SNTG2: variants seen among roughly 807,000 people sequenced by gnomAD.
SNTG2 encodes the protein gamma-2-syntrophin.
Under a neutral mutation model 70.9 loss-of-function variants are expected in SNTG2, and 74 were observed. That is an observed-to-expected ratio of 1.04 (90% CI 0.86 to 1.27). The LOEUF (loss-of-function observed/expected upper bound fraction) is 1.27. Ranked by LOEUF, SNTG2 falls within the 50% of genes most tolerant of loss-of-function variation. The probability of loss-of-function intolerance (pLI) is 0.00; values close to 1 mark genes in which losing one functional copy is unlikely to be tolerated. For missense variants in SNTG2, 717 were observed against 690.7 expected (o/e 1.04, Z -0.43); for synonymous variants, 278 against 273.8 (o/e 1.02, Z -0.15).
chr2:1,320,144 A>G (rs892125424), intron 16 of SNTG2, among the ~76,000 whole-genome samples: 1 of 152,224 alleles, frequency 6.6e-6, no homozygotes, highest in African/African-American at 2.4e-5. Context: ...TAATTAGTGC[A>G]TGATGGGAAC....
intron 11 of SNTG2, among the ~76,000 whole-genome samples, chr2:1,242,169 A>G (rs1319266371): frequency 6.6e-6 from 1 of 152,164 alleles, no homozygotes; most frequent in Non-Finnish European, 1.5e-5. Context: ...GTTTTCTCCA[A>G]AAGTGGTGTG....
intron 1 of SNTG2, among the ~76,000 whole-genome samples, chr2:951,709 C>T (rs955226729): frequency 1.3e-5 from 2 of 152,100 alleles, no homozygotes; most frequent in African/African-American, 2.4e-5. Flanking sequence ...AAATGTTGGC[C>T]CAAAGAAAAA....
chr2:1,307,312 TTGTG>T (rs142934963), intron 14 of SNTG2, among the ~76,000 whole-genome samples: 4,502 of 139,770 alleles, frequency 0.032, 220 homozygotes, highest in African/African-American at 0.11. Flanking sequence ...CAGCCCTGCA[TTGTG>T]TGTGTGTGTG....
intron 8 of SNTG2, among the ~76,000 whole-genome samples, chr2:1,183,562 C>G (rs1672064833): frequency 6.6e-6 from 1 of 152,284 alleles, no homozygotes; most frequent in African/African-American, 2.4e-5. Context: ...AATAGTATTT[C>G]TTTAGCATCA....
chr2:1,332,471 CA>C (rs1659585278), intron 16 of SNTG2, among the ~76,000 whole-genome samples: 1 of 151,668 alleles, frequency 6.6e-6, no homozygotes, highest in Admixed American at 6.6e-5. Context: ...AAAGACAGAA[CA>C]AAAAAAGAAA....
intron 1 of SNTG2, among the ~76,000 whole-genome samples, chr2:1,056,397 A>AGGGAGGGAGAGCGTCGCGCTGTGCTGTG: frequency 1.1e-4 from 1 of 8,932 alleles, no homozygotes; most frequent in Non-Finnish European, 2.1e-4. Context: ...CGCTGTGGGG[A>AGGGAGGGAGAGCGTCGCGCTGTGCTGTG]GGGAGGGAGG....
At chr2:1,155,146 AC>A in intron 6 of SNTG2, among the ~76,000 whole-genome samples, 1 of 112,630 alleles carries the variant, frequency 8.9e-6, no homozygotes, top group East Asian at 2.7e-4. Context: ...ACACAGACAC[AC>A]TCCATACACA....
In SNTG2 at chr2:1,194,157, T is replaced by G. The variant is rs888687320; in HGVS notation, c.592-14946T>G. Among the ~76,000 whole-genome samples the G allele has an allele frequency of 5.3e-5, 8 of 152,172 alleles. 1 individual carries two copies. The highest frequency in any genetic ancestry group is 4.6e-4 in the Admixed American group (7 of 15,280). On this transcript the variant is annotated intron_variant, in intron 8 of 16. Coordinates refer to ENST00000308624, the MANE Select transcript of SNTG2 (RefSeq NM_018968.4). ...TTTCATTTTTTATCATTCATTATCCTCTCTTTATAAGAAGCTGTAACTCCC... is the reference window on the plus strand; with the variant it reads ...TTTCATTTTTTATCATTCATTATCCGCTCTTTATAAGAAGCTGTAACTCCC...
At chr2:1,294,157 G>A (rs1043778429) in intron 14 of SNTG2, among the ~76,000 whole-genome samples, 1 of 152,150 alleles carries the variant, frequency 6.6e-6, no homozygotes, top group African/African-American at 2.4e-5. Context: ...CTATTTTTTG[G>A]AGGAGATGGA....
At chr2:1,198,441 A>C (rs956399672) in intron 8 of SNTG2, among the ~76,000 whole-genome samples, 2 of 151,980 alleles carry the variant, frequency 1.3e-5, no homozygotes, top group Non-Finnish European at 2.9e-5. Context: ...AGTATATAAC[A>C]AATAAGAGAC....
intron 7 of SNTG2, among the ~76,000 whole-genome samples, chr2:1,168,361 A>G (rs1208348843): frequency 6.6e-6 from 1 of 152,114 alleles, no homozygotes; most frequent in East Asian, 1.9e-4. Flanking sequence ...CCTGGAACAC[A>G]CTCCCACTAG....
intron 1 of SNTG2, among the ~76,000 whole-genome samples, chr2:1,017,120 C>T (rs1423819765): frequency 6.6e-6 from 1 of 152,126 alleles, no homozygotes; most frequent in Non-Finnish European, 1.5e-5. Flanking sequence ...GCAGGGTGCA[C>T]AACTCACCCT....
intron 16 of SNTG2, among the ~76,000 whole-genome samples, chr2:1,359,366 G>A (rs890775631): frequency 2.6e-5 from 4 of 152,068 alleles, no homozygotes; most frequent in Admixed American, 2.0e-4. Flanking sequence ...CTTTATTTAG[G>A]TGTTCTGATG....
rs570534482 is a variant in SNTG2 at position 954,107 on chromosome 2, G to A, written c.72+3039G>A. On this transcript the variant is annotated intron_variant, in intron 1 of 16. Coordinates refer to ENST00000308624, the MANE Select transcript of SNTG2 (RefSeq NM_018968.4). Reference sequence around the variant, plus strand: ...ATGTAGCATGTGACAGCAGGCACACGAGGGACCCCAAAGAGGAGCTGCTCT... The same window carrying A: ...ATGTAGCATGTGACAGCAGGCACACAAGGGACCCCAAAGAGGAGCTGCTCT... Among the ~76,000 whole-genome samples, 143 of 152,290 alleles carry A rather than the reference G, an allele frequency of 9.4e-4. 1 individual carries two copies. Among genetic ancestry groups the A allele is most frequent in the African/African-American group, 3.4e-3 (141 of 41,560 alleles).
At chr2:1,000,722 A>G (rs1661837876) in intron 1 of SNTG2, among the ~76,000 whole-genome samples, 1 of 151,870 alleles carries the variant, frequency 6.6e-6, no homozygotes. Context: ...TACTGAAACT[A>G]TTTTAAAAAA....
At chr2:1,230,220 A>G (rs1676118989) in intron 9 of SNTG2, among the ~76,000 whole-genome samples, 1 of 152,256 alleles carries the variant, frequency 6.6e-6, no homozygotes, top group African/African-American at 2.4e-5. Flanking sequence ...GAAAAAGGAA[A>G]CAAAGATCAG....
intron 7 of SNTG2, among the ~76,000 whole-genome samples, chr2:1,165,892 G>A (rs537326122): frequency 6.6e-6 from 1 of 152,278 alleles, no homozygotes; most frequent in Admixed American, 6.5e-5. Flanking sequence ...TTAACTACAT[G>A]CTCGTTCCTT....
intron 6 of SNTG2, among the ~76,000 whole-genome samples, chr2:1,149,847 C>A (rs1572570469): frequency 6.6e-6 from 1 of 150,542 alleles, no homozygotes; most frequent in African/African-American, 2.4e-5. Context: ...GCCACCGCGC[C>A]TGGCTAATTT....
At chr2:1,204,564 C>T (rs1426857096) in intron 8 of SNTG2, among the ~76,000 whole-genome samples, 1 of 152,176 alleles carries the variant, frequency 6.6e-6, no homozygotes, top group East Asian at 1.9e-4. Flanking sequence ...TGTGCACATT[C>T]TGAGTAGCTG....
Sources: allele counts gnomAD v4.1 joint callset (sites outside exome capture counted in the v4.1 genomes callset), GRCh38; gene constraint gnomAD v4.1.1; transcripts MANE v1.5; gene names NCBI Gene and HGNC (gene_info 2026-07-23, HGNC 2026-07-21).